The following METTL25 variants were observed in gnomAD, a reference collection of about 807,000 sequenced individuals.
The protein encoded by METTL25 is methyltransferase like 25.
In METTL25, 64 loss-of-function variants were observed where a neutral mutation model predicts 71.6. The ratio of observed to expected loss-of-function variants is 0.89; its 90% CI spans 0.73 to 1.10. The LOEUF (loss-of-function observed/expected upper bound fraction) is 1.10. Among genes scored for constraint, METTL25 ranks in the 50% least tolerant of loss-of-function variants. The pLI is 0.00. For missense variants in METTL25, 807 were observed against 707.0 expected, an observed-to-expected ratio of 1.14 and a Z score of -1.60; for synonymous variants, 287 against 250.3, an observed-to-expected ratio of 1.15 and a Z score of -1.38.
At chr12:82,471,760 A>T (rs1375160264) in intron 9 of METTL25, among the ~76,000 whole-genome samples, 1 of 152,214 alleles carries the variant, frequency 6.6e-6, no homozygotes, top group African/African-American at 2.4e-5. Context: ...ATAGAAATGC[A>T]AAGTGTTTTC....
At chr12:82,385,270 CTTAT>C (rs909191538) in intron 1 of METTL25, among the ~76,000 whole-genome samples, 1 of 152,020 alleles carries the variant, frequency 6.6e-6, no homozygotes, top group African/African-American at 2.4e-5. Flanking sequence ...ACTTATCTTA[CTTAT>C]CTTGCTTTAA....
At chr12:82,450,276 T>G (rs190547125) in intron 8 of METTL25, among the ~76,000 whole-genome samples, 9 of 152,258 alleles carry the variant, frequency 5.9e-5, no homozygotes, top group Admixed American at 5.9e-4. Context: ...ATTCACCTGT[T>G]AATGACAATC....
chr12:82,387,693 GTTCTC>G (rs1370743341), intron 2 of METTL25, among the ~76,000 whole-genome samples: 3 of 133,348 alleles, frequency 2.2e-5, no homozygotes, highest in Non-Finnish European at 4.8e-5. Flanking sequence ...ATTTGTTGTA[GTTCTC>G]TTCTACACAC....
chr12:82,463,376 C>T (rs1407479585), intron 9 of METTL25, among the ~76,000 whole-genome samples: 1 of 151,800 alleles, frequency 6.6e-6, no homozygotes, highest in African/African-American at 2.4e-5. Context: ...ACCTAATGAT[C>T]TACAGTTCTA....
chr12:82,423,140 T>C (rs1410240597), intron 5 of METTL25, among the ~76,000 whole-genome samples: 2 of 152,062 alleles, frequency 1.3e-5, no homozygotes, highest in Admixed American at 6.6e-5. Flanking sequence ...GACTTCAAAC[T>C]ATACTACAAG....
At chr12:82,469,313 A>G (rs1892432232) in intron 9 of METTL25, among the ~76,000 whole-genome samples, 1 of 152,204 alleles carries the variant, frequency 6.6e-6, no homozygotes, top group Middle Eastern at 3.4e-3. Flanking sequence ...ACTGCCCGAG[A>G]CTGGGTAATT....
chr12:82,432,669 A>C (rs1889605347), intron 6 of METTL25, among the ~76,000 whole-genome samples: 1 of 151,640 alleles, frequency 6.6e-6, no homozygotes, highest in Admixed American at 6.6e-5. Context: ...ACTTGCCCTG[A>C]TCAATGTCAG....
At chr12:82,361,204 C>T (rs1362505725) in intron 1 of METTL25, among the ~76,000 whole-genome samples, 4 of 152,168 alleles carry the variant, frequency 2.6e-5, no homozygotes, top group Non-Finnish European at 1.5e-5. Context: ...CTCCTAGTCC[C>T]CACTAGATCA....
intron 9 of METTL25, among the ~76,000 whole-genome samples, chr12:82,464,517 T>G (rs1482875553): frequency 1.3e-5 from 2 of 152,034 alleles, no homozygotes; most frequent in African/African-American, 4.8e-5. Flanking sequence ...TACTACAGCT[T>G]TGTAGAATAT....
At chr12:82,466,042 CA>C (rs1047853270) in intron 9 of METTL25, among the ~76,000 whole-genome samples, 14 of 136,854 alleles carry the variant, frequency 1.0e-4, no homozygotes, top group African/African-American at 3.2e-4. Flanking sequence ...TTTATCTTTT[CA>C]AAAAAACAAT....
chr12:82,469,959 C>T (rs1892471570), intron 9 of METTL25, among the ~76,000 whole-genome samples: 1 of 152,114 alleles, frequency 6.6e-6, no homozygotes, highest in Non-Finnish European at 1.5e-5. Context: ...ATTTTTTATG[C>T]TAAAACTGAC....
intron 9 of METTL25, among the ~76,000 whole-genome samples, chr12:82,460,979 TA>T (rs1479585918): frequency 6.6e-6 from 1 of 152,074 alleles, no homozygotes; most frequent in Admixed American, 6.5e-5. Context: ...CCATCTCTAC[TA>T]AAACTACAAA....
chr12:82,414,371 C>T (rs1365502625), intron 5 of METTL25, among the ~76,000 whole-genome samples: 2 of 152,198 alleles, frequency 1.3e-5, no homozygotes, highest in Non-Finnish European at 2.9e-5. Flanking sequence ...AATACTGGCG[C>T]TGATTTTATT....
intron 5 of METTL25, among the ~76,000 whole-genome samples, chr12:82,415,583 A>G (rs1270906089): frequency 6.6e-6 from 1 of 152,106 alleles, no homozygotes; most frequent in Non-Finnish European, 1.5e-5. Context: ...GTGTGAGACT[A>G]AACGCCTGAG....
At chr12:82,421,463 G>A (rs1342861369) in intron 5 of METTL25, among the ~76,000 whole-genome samples, 1 of 152,088 alleles carries the variant, frequency 6.6e-6, no homozygotes, top group African/African-American at 2.4e-5. Flanking sequence ...ATCTAGATTT[G>A]TATTATGAAG....
intron 5 of METTL25, among the ~76,000 whole-genome samples, chr12:82,424,962 A>G (rs1288123106): frequency 6.6e-6 from 1 of 152,084 alleles, no homozygotes; most frequent in Non-Finnish European, 1.5e-5. Flanking sequence ...GACTGCTGGC[A>G]TCTAGATTTG....
Position 82,479,035 on chromosome 12 carries a change from A to T in METTL25, c.*11A>T, listed in dbSNP as rs1340114332. On this transcript the variant is annotated 3_prime_UTR_variant, in exon 12 of 12. Transcript: ENST00000248306. ...AAGAAGCAGCAGTGATTTCCATTGA[A>T]GCAAATTATTAGATGTATTTCTCTA... 1 of 1,607,960 alleles carries T rather than the reference A, an allele frequency of 6.2e-7. No individual in the cohort carries two copies. The highest frequency in any genetic ancestry group is 8.5e-7 in the Non-Finnish European group (1 of 1,175,104).
At chr12:82,390,055 CT>C (rs1230370662) in intron 3 of METTL25, 133 bp downstream of exon 3, 8 of 584,150 alleles carry the variant, frequency 1.4e-5, no homozygotes, top group Non-Finnish European at 9.2e-6. Flanking sequence ...ACATCAGATC[CT>C]TTAAACATCA....
intron 1 of METTL25, among the ~76,000 whole-genome samples, chr12:82,369,712 C>G: frequency 6.6e-6 from 1 of 152,152 alleles, no homozygotes; most frequent in Middle Eastern, 3.2e-3. Flanking sequence ...CTTTTATTCC[C>G]TTATTTGACC....
Sources: allele counts gnomAD v4.1 joint callset (sites outside exome capture counted in the v4.1 genomes callset), GRCh38; gene constraint gnomAD v4.1.1; transcripts MANE v1.5; gene names NCBI Gene and HGNC (gene_info 2026-07-23, HGNC 2026-07-21).